The following MYT1L variants were observed in gnomAD, a reference collection of about 807,000 sequenced individuals.
MYT1L encodes myelin transcription factor 1 like, also known as myelin transcription factor 1-like protein.
Under a neutral mutation model 126.7 loss-of-function variants are expected in MYT1L, and 12 were observed. That is an observed-to-expected ratio of 0.09 (90% CI 0.06 to 0.15). The LOEUF (loss-of-function observed/expected upper bound fraction) is 0.15, where lower values mean the gene tolerates loss of function less well. MYT1L is among the 10% of genes least tolerant of loss of function. The probability of loss-of-function intolerance (pLI) is 1.00; values close to 1 mark genes in which losing one functional copy is unlikely to be tolerated. For synonymous variants in MYT1L, 541 were observed against 604.2 expected, an observed-to-expected ratio of 0.90 and a Z score of 1.53; for missense variants, 979 against 1,585.2, an observed-to-expected ratio of 0.62 and a Z score of 6.49.
intron 2 of MYT1L, among the ~76,000 whole-genome samples, chr2:2,186,877 G>C (rs2092249364): frequency 6.6e-6 from 1 of 152,040 alleles, no homozygotes; most frequent in South Asian, 2.1e-4. Flanking sequence ...TCTTCACCTT[G>C]GTCTTTATTG....
intron 14 of MYT1L, among the ~76,000 whole-genome samples, chr2:1,900,305 T>TC (rs954644824): frequency 6.6e-6 from 1 of 151,882 alleles, no homozygotes; most frequent in African/African-American, 2.4e-5. Flanking sequence ...CAGGAGGCTT[T>TC]TTTTTTTTCT....
At chr2:2,148,956 T>G (rs1048646101) in intron 3 of MYT1L, among the ~76,000 whole-genome samples, 6 of 152,170 alleles carry the variant, frequency 3.9e-5, no homozygotes, top group African/African-American at 1.4e-4. Context: ...CCTGCTCCAG[T>G]AAGATTCACA....
chr2:1,934,433 C>T (rs914748049), intron 9 of MYT1L, among the ~76,000 whole-genome samples: 3 of 151,846 alleles, frequency 2.0e-5, no homozygotes, highest in African/African-American at 7.3e-5. Flanking sequence ...ACAGTGATTT[C>T]AATGCTGTCC....
chr2:2,112,418 A>G (rs564400980), intron 3 of MYT1L, among the ~76,000 whole-genome samples: 1 of 152,350 alleles, frequency 6.6e-6, no homozygotes, highest in Admixed American at 6.5e-5. Context: ...TGTTTCCTTA[A>G]TCATTTGCCT....
chr2:2,320,992 A>C (rs1043399913), intron 1 of MYT1L, among the ~76,000 whole-genome samples: 1 of 152,208 alleles, frequency 6.6e-6, no homozygotes, highest in Non-Finnish European at 1.5e-5. Flanking sequence ...TGCCCTTTTT[A>C]ATCAACTTCC....
At chr2:1,950,445 GAC>G (rs1408780156) in intron 8 of MYT1L, among the ~76,000 whole-genome samples, 2 of 152,186 alleles carry the variant, frequency 1.3e-5, no homozygotes, top group Admixed American at 6.5e-5. Context: ...GGGACACCGA[GAC>G]ACAGTTACCC....
intron 11 of MYT1L, among the ~76,000 whole-genome samples, chr2:1,913,750 A>T (rs2052406439): frequency 6.6e-6 from 1 of 152,040 alleles, no homozygotes; most frequent in South Asian, 2.1e-4. Flanking sequence ...TGGCAAGTGC[A>T]CTTTACGCCT....
intron 4 of MYT1L, among the ~76,000 whole-genome samples, chr2:2,027,809 G>A (rs1047922478): frequency 7.5e-6 from 1 of 133,526 alleles, no homozygotes; most frequent in Non-Finnish European, 1.6e-5. Context: ...GACCAGCCTG[G>A]CTTGATGTGG....
At chr2:1,866,070 G>C (rs1193406362) in intron 18 of MYT1L, among the ~76,000 whole-genome samples, 1 of 152,194 alleles carries the variant, frequency 6.6e-6, no homozygotes, top group Non-Finnish European at 1.5e-5. Flanking sequence ...CGGACTGAAA[G>C]GTGCGAAAGG....
intron 2 of MYT1L, among the ~76,000 whole-genome samples, chr2:2,177,014 T>C (rs1162462371): frequency 1.3e-5 from 2 of 152,218 alleles, no homozygotes; most frequent in African/African-American, 4.8e-5. Flanking sequence ...AACACTGAAG[T>C]GGAAACAGGT....
At chr2:2,067,015 G>A (rs1425756514) in intron 3 of MYT1L, among the ~76,000 whole-genome samples, 3 of 152,114 alleles carry the variant, frequency 2.0e-5, no homozygotes, top group Non-Finnish European at 2.9e-5. Flanking sequence ...ATATGGTAAC[G>A]GTCTCAATTC....
At chr2:1,809,892 T>C (rs4853831) in intron 21 of MYT1L, 74,555 of 152,102 alleles carry the variant, frequency 0.49, 18,630 homozygotes, top group Middle Eastern at 0.61. Flanking sequence ...AAGGCACCTC[T>C]GCCTCCTTTT....
intron 5 of MYT1L, among the ~76,000 whole-genome samples, chr2:1,989,557 C>T (rs569087982): frequency 1.3e-5 from 2 of 152,280 alleles, no homozygotes; most frequent in Non-Finnish European, 2.9e-5. Context: ...GAAGGTTGGA[C>T]ACACCTTCTT....
chr2:1,861,649 T>TGCAGCCTGTGTAA (rs2044630830), intron 18 of MYT1L, among the ~76,000 whole-genome samples: 6 of 71,646 alleles, frequency 8.4e-5, no homozygotes, highest in African/African-American at 3.0e-4. Flanking sequence ...ATCCTGGATC[T>TGCAGCCTGTGTAA]TCCTACAGCC....
intron 23 of MYT1L, among the ~76,000 whole-genome samples, chr2:1,792,744 C>G (rs1299711892): frequency 6.6e-6 from 1 of 151,944 alleles, no homozygotes; most frequent in Non-Finnish European, 1.5e-5. Flanking sequence ...GTGGCGTGCG[C>G]CTGTAATCCC....
intron 23 of MYT1L, among the ~76,000 whole-genome samples, chr2:1,794,743 C>G (rs530536821): frequency 6.6e-6 from 1 of 152,180 alleles, no homozygotes; most frequent in Admixed American, 6.5e-5. Context: ...CCCGTGCTAC[C>G]CGGGTCTGTG....
intron 21 of MYT1L, among the ~76,000 whole-genome samples, chr2:1,824,018 C>T (rs2038955486): frequency 6.6e-6 from 1 of 152,154 alleles, no homozygotes; most frequent in South Asian, 2.1e-4. Flanking sequence ...GCGGGGCCGC[C>T]GGGCAGAGGT....
rs1273108474 is a variant in MYT1L at position 1,929,566 on chromosome 2, C to A, written c.506-6303G>T. Among the ~76,000 whole-genome samples, 1 of 152,172 alleles carries A rather than the reference C, an allele frequency of 6.6e-6. No homozygotes were observed. The highest frequency in any genetic ancestry group is 2.4e-5 in the African/African-American group (1 of 41,436). On this transcript the variant is annotated intron_variant, in intron 9 of 24. Coordinates refer to ENST00000647738, the MANE Select transcript of MYT1L (RefSeq NM_001303052.2). The surrounding 1 kb of genome is among the most constrained non-coding windows in gnomAD (Gnocchi z 4.7). ...GCAGTGCTTCTGTGTGTCTTATTTC[C>A]AGTATCATAGGAAATTTTCAGAATA...
chr2:1,834,773 C>T (rs1005282198), intron 21 of MYT1L, among the ~76,000 whole-genome samples: 8 of 151,878 alleles, frequency 5.3e-5, no homozygotes, highest in Admixed American at 1.3e-4. Context: ...TACAGGTACT[C>T]CTCCACATAC....
Sources: allele counts gnomAD v4.1 joint callset (sites outside exome capture counted in the v4.1 genomes callset), GRCh38; gene constraint gnomAD v4.1.1; non-coding constraint Gnocchi (gnomAD v3.1); transcripts MANE v1.5; gene names NCBI Gene and HGNC (gene_info 2026-07-23, HGNC 2026-07-21).